Variants in PBRM1 observed in about 807,000 individuals in gnomAD.
PBRM1 encodes the protein polybromo 1.
A neutral mutation model predicts 194.5 loss-of-function variants in PBRM1; 27 were observed. That is an observed-to-expected ratio of 0.14 (90% CI 0.10 to 0.19). The LOEUF is 0.19. Among genes scored for constraint, PBRM1 ranks in the 10% least tolerant of loss-of-function variants. The pLI is 1.00. For missense variants in PBRM1, 1,466 were observed against 2,077.2 expected, an observed-to-expected ratio of 0.71 and a Z score of 5.72; for synonymous variants, 655 against 693.2, an observed-to-expected ratio of 0.94 and a Z score of 0.87.
chr3:52,676,870 C>G (rs1240643904), intron 2 of PBRM1, among the ~76,000 whole-genome samples: 1 of 152,138 alleles, frequency 6.6e-6, no homozygotes, highest in African/African-American at 2.4e-5. Context: ...GTAAAGGTGA[C>G]TTTTGTTATG....
At chr3:52,627,572 G>C (rs372110710) in intron 12 of PBRM1, among the ~76,000 whole-genome samples, 6 of 152,248 alleles carry the variant, frequency 3.9e-5, no homozygotes, top group Middle Eastern at 6.8e-3. Flanking sequence ...GTTAAAAAAT[G>C]GTTCTACAGG....
In PBRM1 at chr3:52,620,732, T is replaced by C. The variant is rs572256446; in HGVS notation, c.1542-3194A>G. On this transcript the variant is annotated intron_variant, in intron 13 of 29. Coordinates refer to ENST00000296302, the Ensembl canonical transcript of PBRM1. ...AGTTGTATATATGAAACTGCTCTAA[T>C]AACTGAAATTTACTGTTTTAGCACT... Among the ~76,000 whole-genome samples the C allele has an allele frequency of 7.2e-5, 11 of 152,328 alleles. No homozygotes were observed. In the South Asian group the frequency reaches 1.9e-3, roughly 26 times the overall value.
At chr3:52,679,511 TA>T (rs2154064813) in intron 1 of PBRM1, 62 bp downstream of exon 2, 1 of 1,462,994 alleles carries the variant, frequency 6.8e-7, no homozygotes, top group Non-Finnish European at 9.4e-7. Flanking sequence ...ATTTTACCAT[TA>T]AAGGGAAGAT....
chr3:52,557,652 T>A (rs1163165952), intron 26 of PBRM1, among the ~76,000 whole-genome samples: 2 of 152,004 alleles, frequency 1.3e-5, no homozygotes, highest in African/African-American at 4.8e-5. Flanking sequence ...GTGACTGGGA[T>A]ACTAACAGAA....
chr3:52,563,484 A>G (rs2084209344), exon 24 of PBRM1: 1 of 1,613,626 alleles, frequency 6.2e-7, no homozygotes, highest in Non-Finnish European at 8.5e-7. Flanking sequence ...TCTGAGGAAC[A>G]ATTGGTTTTC....
chr3:52,609,978 A>C lies in PBRM1; in HGVS notation c.1925-23T>G. The C allele has an allele frequency of 7.4e-7, 1 of 1,354,108 alleles. No homozygotes were observed. The highest frequency in any genetic ancestry group is 9.9e-7 in the Non-Finnish European group (1 of 1,008,794). The allele number at this position is 1,354,108 out of a possible 1,614,324, so 83.9% of individuals were successfully genotyped here. A position where few individuals can be genotyped will look rare whatever the true frequency, so the allele number is the denominator to read the frequency against. ...TACCTAAAGAGAGATATTTAATGTT[A>C]AATGAATAAAATAAATGAACCTAAA... On this transcript the variant is annotated intron_variant, in intron 15 of 29. Transcript: ENST00000296302. This position sits in a 1 kb window ranked among gnomAD's most constrained non-coding sequence, Gnocchi z 4.1.
intron 2 of PBRM1, among the ~76,000 whole-genome samples, chr3:52,674,977 G>GA (rs2097063573): frequency 6.6e-6 from 1 of 151,894 alleles, no homozygotes; most frequent in Admixed American, 6.6e-5. Flanking sequence ...AAAAAAGACA[G>GA]AAAGGAGGAG....
upstream of PBRM1, among the ~76,000 whole-genome samples, chr3:52,684,210 C>T (rs552514691): frequency 2.0e-5 from 3 of 150,222 alleles, no homozygotes; most frequent in South Asian, 6.3e-4. Flanking sequence ...TGTAAGCATC[C>T]CTTCAGCAAT....
chr3:52,601,519 C>T (rs998438354), intron 17 of PBRM1, among the ~76,000 whole-genome samples: 1 of 151,920 alleles, frequency 6.6e-6, no homozygotes, highest in African/African-American at 2.4e-5. Context: ...GGAAGCGGAG[C>T]TCAGGGGGTA....
At chr3:52,546,362 T>C (rs550615927), downstream of PBRM1, 1 of 231,084 alleles carries the variant, frequency 4.3e-6, no homozygotes, top group South Asian at 1.8e-4. Context: ...AATAAGGTAC[T>C]GACACACTAC....
chr3:52,675,492 T>C (rs916068748), intron 2 of PBRM1, among the ~76,000 whole-genome samples: 2 of 152,194 alleles, frequency 1.3e-5, no homozygotes, highest in African/African-American at 2.4e-5. Flanking sequence ...TTCAGCAGGA[T>C]ATTAAAAGGA....
chr3:52,664,937 T>G (rs2153963189), intron 3 of PBRM1, among the ~76,000 whole-genome samples: 1 of 152,246 alleles, frequency 6.6e-6, no homozygotes, highest in East Asian at 1.9e-4. Flanking sequence ...GAAGCATTAC[T>G]ACTCGCAAAT....
chr3:52,623,674 A>G (rs1268722277), intron 13 of PBRM1, among the ~76,000 whole-genome samples: 1 of 152,208 alleles, frequency 6.6e-6, no homozygotes, highest in African/African-American at 2.4e-5. Context: ...AGCTTTAAAC[A>G]TATTAACTAA....
chr3:52,609,346 A>G lies in PBRM1; in HGVS notation c.2534T>C (p.Phe845Ser), dbSNP rs774153419. The G allele has an allele frequency of 1.2e-6, 2 of 1,613,972 alleles. No individual in the cohort carries two copies. Among genetic ancestry groups the G allele is most frequent in the South Asian group, 2.2e-5 (2 of 91,062 alleles). Residue 845 changes from phenylalanine to serine, a missense_variant, in exon 16 of 30, where the codon TTT (phenylalanine) becomes TCT (serine). Phe to Ser is a radical substitution (Grantham distance 155, BLOSUM62 -2). Around this residue, in one of 5 missense-constraint regions of PBRM1, gnomAD observed 687 missense variants for 946.2 expected, o/e 0.73. Transcript: ENST00000296302. The surrounding 1 kb of genome is among the most constrained non-coding windows in gnomAD (Gnocchi z 4.1). The stretch of plus-strand genomic sequence containing the variant: ...CCTTCTTGCTCGTTCCAATACTTCA[A>G]ACATATGCTCTTGAAATAAATCAAG...
At chr3:52,569,723 A>G (rs1307968627) in intron 22 of PBRM1, among the ~76,000 whole-genome samples, 1 of 152,244 alleles carries the variant, frequency 6.6e-6, no homozygotes, top group East Asian at 1.9e-4. Context: ...CAGATGTGGC[A>G]TATCTTGTTA....
At chr3:52,591,428 C>T (rs904525160) in intron 17 of PBRM1, among the ~76,000 whole-genome samples, 1 of 146,698 alleles carries the variant, frequency 6.8e-6, no homozygotes, top group African/African-American at 2.5e-5. Context: ...AAGTATGTTT[C>T]TTTAATACCT....
upstream of PBRM1, among the ~76,000 whole-genome samples, chr3:52,680,720 C>T (rs191974331): frequency 2.1e-4 from 32 of 152,100 alleles, no homozygotes; most frequent in East Asian, 5.1e-3. Flanking sequence ...TACAGTGGCA[C>T]GATCTCTGCT....
chr3:52,576,513 G>A (rs201895983), intron 22 of PBRM1, 28 bp downstream of exon 24: 73 of 1,561,622 alleles, frequency 4.7e-5, no homozygotes, highest in East Asian at 3.2e-4. Context: ...GAATAAACAC[G>A]ATTAAATAAA....
intron 13 of PBRM1, among the ~76,000 whole-genome samples, chr3:52,618,257 G>A (rs923664995): frequency 6.6e-6 from 1 of 152,186 alleles, no homozygotes; most frequent in Non-Finnish European, 1.5e-5. Flanking sequence ...CCAGTGAGAT[G>A]TGATGCTGAG....
Sources: gnomAD v4.1 joint callset for allele counts (sites outside exome capture counted in the v4.1 genomes callset) on GRCh38, gnomAD v4.1.1 for gene constraint, gnomAD v4.1.1 regional missense constraint, Gnocchi (gnomAD v3.1) non-coding constraint, MANE v1.5 for transcripts, NCBI Gene and HGNC (gene_info 2026-07-23, HGNC 2026-07-21) for gene names.